Variants in PPFIA2 observed in about 807,000 individuals in gnomAD.
PPFIA2 encodes PPFI scaffold protein A2, also known as liprin-alpha-2.
A neutral mutation model predicts 175.5 loss-of-function variants in PPFIA2; 46 were observed. The observed-to-expected ratio is 0.26, with a 90% CI of 0.21 to 0.34. The LOEUF is 0.34. PPFIA2 is among the 10% of genes least tolerant of loss of function. The pLI is 1.00. For missense variants in PPFIA2, 1,179 were observed against 1,506.1 expected (o/e 0.78, Z 3.60); for synonymous variants, 568 against 511.4 (o/e 1.11, Z -1.49).
intron 21 of PPFIA2, among the ~76,000 whole-genome samples, chr12:81,330,623 T>C (rs2055911695): frequency 6.6e-6 from 1 of 152,186 alleles, no homozygotes; most frequent in Non-Finnish European, 1.5e-5. Flanking sequence ...TACAAGTCTG[T>C]AGAAATTGCT....
chr12:81,415,479 A>G (rs1461216663), intron 7 of PPFIA2, among the ~76,000 whole-genome samples: 3 of 149,896 alleles, frequency 2.0e-5, no homozygotes, highest in African/African-American at 4.9e-5. Flanking sequence ...TACATCATAT[A>G]AAAAGTACAT....
intron 3 of PPFIA2, among the ~76,000 whole-genome samples, chr12:81,701,456 G>T (rs2076468974): frequency 6.6e-6 from 1 of 152,264 alleles, no homozygotes; most frequent in Non-Finnish European, 1.5e-5. Context: ...CCTGAGACAA[G>T]AAGAATTTAT....
chr12:81,529,332 T>A lies in PPFIA2; in HGVS notation c.304-71466A>T, dbSNP rs544899538. Among the ~76,000 whole-genome samples the A allele has an allele frequency of 1.2e-4, 19 of 152,146 alleles. No homozygotes were observed. The East Asian group carries it at 3.7e-3, about 29-fold the overall frequency. ...AAAGACACCTGAGTCTATTTGCTAA[T>A]ATTTTATTTACTTTTTCAGCATCAA... On this transcript the variant is annotated intron_variant, in intron 4 of 32. Transcript: ENST00000549396.
At chr12:81,663,034 G>T (rs929230021) in intron 4 of PPFIA2, among the ~76,000 whole-genome samples, 2 of 152,118 alleles carry the variant, frequency 1.3e-5, no homozygotes, top group African/African-American at 4.8e-5. Flanking sequence ...AATAAATTAG[G>T]TATTGATGGG....
intron 13 of PPFIA2, chr12:81,368,116 C>T: frequency 1.6e-6 from 2 of 1,288,072 alleles, no homozygotes; most frequent in Non-Finnish European, 2.0e-6. Flanking sequence ...AATTTATGCT[C>T]TGGAATTGGT....
chr12:81,621,899 G>T (rs2062086573), intron 4 of PPFIA2, among the ~76,000 whole-genome samples: 1 of 152,134 alleles, frequency 6.6e-6, no homozygotes, highest in Non-Finnish European at 1.5e-5. Context: ...ACTGGCTATA[G>T]ATATAAATTT....
At chr12:81,605,654 T>TCCAG (rs779611657) in intron 4 of PPFIA2, among the ~76,000 whole-genome samples, 43 of 104,048 alleles carry the variant, frequency 4.1e-4, no homozygotes, top group African/African-American at 1.5e-3. Context: ...CATCCAGCTA[T>TCCAG]CTATCTATCT....
chr12:81,281,210 G>A (rs1259768875), intron 27 of PPFIA2, 47 bp downstream of exon 27: 3 of 1,382,048 alleles, frequency 2.2e-6, no homozygotes, highest in East Asian at 2.5e-5. Context: ...GTAATATATT[G>A]TTTCATTTTA....
At chr12:81,267,198 CTTTTTT>C in intron 29 of PPFIA2, 178 bp from the exon 30 acceptor site, 2 of 484,802 alleles carry the variant, frequency 4.1e-6, no homozygotes, top group African/African-American at 2.2e-5. Flanking sequence ...AAAAACAGGG[CTTTTTT>C]TTTTTTTTCT....
intron 4 of PPFIA2, among the ~76,000 whole-genome samples, chr12:81,493,787 T>TATATATATATATATATAC (rs1491517743): frequency 7.8e-6 from 1 of 128,358 alleles, no homozygotes; most frequent in Non-Finnish European, 1.6e-5. Flanking sequence ...TATATATATA[T>TATATATATATATATATAC]ACACATTGGA....
chr12:81,501,250 C>A (rs138648511), intron 4 of PPFIA2, among the ~76,000 whole-genome samples: 72 of 152,224 alleles, frequency 4.7e-4, no homozygotes, highest in African/African-American at 1.7e-3. Context: ...TACCTCAGGG[C>A]CTTTGCACTT....
Position 81,258,833 on chromosome 12 carries a change from T to C in PPFIA2, c.*861A>G, listed in dbSNP as rs1173045314. On this transcript the variant is annotated 3_prime_UTR_variant, in exon 33 of 33. Coordinates refer to ENST00000549396, the MANE Select transcript of PPFIA2 (RefSeq NM_003625.5). ...GCATTTCAAGATATTTGAATGAACA[T>C]GTGGTTCTTAGTAAAGAAGTTTTTT... 3.9e-5 allele frequency: 6 copies of C among 152,208 alleles called. No individual in the cohort carries two copies. The highest frequency in any genetic ancestry group is 1.9e-4 in the East Asian group (1 of 5,182). 9.4% of individuals were successfully genotyped at this position (152,208 alleles called of 1,614,324 possible).
At chr12:81,622,846 T>C (rs2062220489) in intron 4 of PPFIA2, among the ~76,000 whole-genome samples, 1 of 152,128 alleles carries the variant, frequency 6.6e-6, no homozygotes, top group Non-Finnish European at 1.5e-5. Context: ...TATCATCATA[T>C]TGGTGATAAC....
chr12:81,489,756 G>T (rs1379565389), intron 4 of PPFIA2, among the ~76,000 whole-genome samples: 1 of 151,800 alleles, frequency 6.6e-6, no homozygotes, highest in Non-Finnish European at 1.5e-5. Context: ...TATTGTATTT[G>T]TTATTTGAAA....
At chr12:81,585,201 GGTGA>G in intron 4 of PPFIA2, among the ~76,000 whole-genome samples, 1 of 149,592 alleles carries the variant, frequency 6.7e-6, no homozygotes, top group Admixed American at 6.8e-5. Context: ...TGGGTGAATT[GGTGA>G]GTGAGTGGTT....
chr12:81,744,496 C>A (rs898993385), intron 3 of PPFIA2, among the ~76,000 whole-genome samples: 2 of 149,472 alleles, frequency 1.3e-5, no homozygotes, highest in African/African-American at 4.9e-5. Context: ...GATCTCAGCT[C>A]ACTGCAACCT....
rs1265852576 is a variant in PPFIA2 at position 81,258,269 on chromosome 12, AATT to A, written c.*1422_*1424del. On this transcript the variant is annotated 3_prime_UTR_variant, in exon 33 of 33. Transcript: ENST00000549396. The stretch of plus-strand genomic sequence containing the variant: ...AAACAAAGCTTAAACAGAGAACTGG[AATT>A]ATTATTTTTTTTATTGACAATGGAA... The A allele has an allele frequency of 6.6e-6, 1 of 152,148 alleles. No homozygotes were observed. The highest frequency in any genetic ancestry group is 2.4e-5 in the African/African-American group (1 of 41,444). The allele number at this position is 152,148 out of a possible 1,614,324, so 9.4% of individuals were successfully genotyped here.
chr12:81,451,388 AC>A (rs2145559971), intron 5 of PPFIA2, among the ~76,000 whole-genome samples: 1 of 152,104 alleles, frequency 6.6e-6, no homozygotes, highest in East Asian at 1.9e-4. Flanking sequence ...AGACCTGACC[AC>A]CCTGGGAGTT....
chr12:81,724,471 C>T lies in PPFIA2; in HGVS notation c.249+29502G>A, dbSNP rs12303855. 2.9e-3 allele frequency among the ~76,000 whole-genome samples: 432 copies of T among 150,892 alleles called. 2 individuals carry two copies. Among genetic ancestry groups the T allele is most frequent in the African/African-American group, 9.9e-3 (408 of 41,360 alleles). ...ATTAGGTAACTTTTCATCCCTCAAC[C>T]CCCTCCCACTCTCTCACCTTTCTGA... On this transcript the variant is annotated intron_variant, in intron 3 of 32. Transcript: ENST00000549396.
Sources: allele counts gnomAD v4.1 joint callset (sites outside exome capture counted in the v4.1 genomes callset), GRCh38; gene constraint gnomAD v4.1.1; transcripts MANE v1.5; gene names NCBI Gene and HGNC (gene_info 2026-07-23, HGNC 2026-07-21).